PTPRD: variants seen among roughly 807,000 people sequenced by gnomAD.
PTPRD encodes protein tyrosine phosphatase receptor type D, also known as receptor-type tyrosine-protein phosphatase delta.
In PTPRD, 34 loss-of-function variants were observed where a neutral mutation model predicts 214.5. That is an observed-to-expected ratio of 0.16 (90% CI 0.12 to 0.21). The LOEUF (loss-of-function observed/expected upper bound fraction) is 0.21. PTPRD is among the 10% of genes least tolerant of loss of function. The probability of loss-of-function intolerance (pLI) is 1.00; values close to 1 mark genes in which losing one functional copy is unlikely to be tolerated. For missense variants in PTPRD, 2,545 were observed against 2,398.7 expected (o/e 1.06, Z -1.27); for synonymous variants, 1,128 against 845.7 (o/e 1.33, Z -5.79).
intron 11 of PTPRD, among the ~76,000 whole-genome samples, chr9:8,801,261 C>G (rs1440304959): frequency 2.0e-5 from 3 of 152,122 alleles, no homozygotes; most frequent in Non-Finnish European, 2.9e-5. Flanking sequence ...TCAAATCTTG[C>G]TATAGTTAAT....
At chr9:8,797,985 C>T (rs912659859) in intron 11 of PTPRD, among the ~76,000 whole-genome samples, 7 of 152,030 alleles carry the variant, frequency 4.6e-5, no homozygotes, top group Admixed American at 1.3e-4. Context: ...ATCCTTTGAC[C>T]TCAACCTTAA....
At chr9:8,339,510 T>C (rs1004909594) in intron 42 of PTPRD, among the ~76,000 whole-genome samples, 19 of 152,128 alleles carry the variant, frequency 1.2e-4, no homozygotes, top group Non-Finnish European at 1.9e-4. Flanking sequence ...GTTCCAATCT[T>C]ACTTGTCAAG....
chr9:8,994,714 G>T (rs1427143870), intron 11 of PTPRD, among the ~76,000 whole-genome samples: 1 of 151,862 alleles, frequency 6.6e-6, no homozygotes, highest in African/African-American at 2.4e-5. Context: ...GAAGGCAAGG[G>T]AAAAAGCATG....
intron 2 of PTPRD, among the ~76,000 whole-genome samples, chr9:10,531,148 C>T (rs905795056): frequency 4.6e-5 from 7 of 151,920 alleles, no homozygotes; most frequent in African/African-American, 1.7e-4. Context: ...CGGGGTTTCA[C>T]CATGTTGGTC....
chr9:8,526,720 G>T, intron 16 of PTPRD, 76 bp from the exon 17 acceptor site: 1 of 1,200,950 alleles, frequency 8.3e-7, no homozygotes, highest in South Asian at 1.6e-5. Flanking sequence ...CTAGGGCTGG[G>T]GAGAAGAATT....
intron 4 of PTPRD, among the ~76,000 whole-genome samples, chr9:10,031,306 G>T (rs982348217): frequency 1.3e-5 from 2 of 151,996 alleles, no homozygotes; most frequent in Non-Finnish European, 2.9e-5. Context: ...TTGATCCTGG[G>T]TGTGTCTGTA....
chr9:9,411,023 C>T (rs994763782), intron 8 of PTPRD, among the ~76,000 whole-genome samples: 3 of 151,688 alleles, frequency 2.0e-5, no homozygotes, highest in African/African-American at 7.3e-5. Flanking sequence ...TTTTTCCCAC[C>T]ACAGCTGCAA....
chr9:10,026,714 C>G (rs2096929485), intron 4 of PTPRD, among the ~76,000 whole-genome samples: 1 of 152,038 alleles, frequency 6.6e-6, no homozygotes, highest in Non-Finnish European at 1.5e-5. Context: ...GTAGTTTTCA[C>G]AATAGACAAT....
In PTPRD at chr9:8,557,431, A is replaced by AATAT. The variant is rs1281715374; in HGVS notation, c.353-28653_353-28652insATAT. ...CAAAACTCTTTATTTTTCATTTGTA[A>AATAT]ATACATATATATATATATATATATA... On this transcript the variant is annotated intron_variant, in intron 14 of 45. Coordinates refer to ENST00000381196, the MANE Select transcript of PTPRD (RefSeq NM_002839.4). Among the ~76,000 whole-genome samples the AATAT allele has an allele frequency of 1.4e-3, 152 of 111,722 alleles. 15 individuals are homozygous for AATAT. Among genetic ancestry groups the AATAT allele is most frequent in the African/African-American group, 0.011 (146 of 12,972 alleles). The allele number at this position is 111,722 out of a possible 152,430, so 73.3% of individuals were successfully genotyped here. A position where few individuals can be genotyped will look rare whatever the true frequency, so the allele number is the denominator to read the frequency against.
intron 4 of PTPRD, among the ~76,000 whole-genome samples, chr9:9,958,527 A>G (rs1263890798): frequency 6.6e-6 from 1 of 152,110 alleles, no homozygotes; most frequent in Non-Finnish European, 1.5e-5. Context: ...GCAAAACTCC[A>G]TCTCAAAAAC....
intron 3 of PTPRD, among the ~76,000 whole-genome samples, chr9:10,241,870 G>T (rs933195133): frequency 6.6e-6 from 1 of 151,960 alleles, no homozygotes; most frequent in African/African-American, 2.4e-5. Context: ...AAGCTGTAAA[G>T]TTGATATTCT....
chr9:10,557,145 G>C (rs1222877800), intron 2 of PTPRD, among the ~76,000 whole-genome samples: 2 of 152,016 alleles, frequency 1.3e-5, no homozygotes, highest in Admixed American at 6.6e-5. Flanking sequence ...AGTCAAATTA[G>C]TAGAAATAAC....
chr9:10,189,009 A>G (rs2099350594), intron 3 of PTPRD, among the ~76,000 whole-genome samples: 2 of 150,760 alleles, frequency 1.3e-5, no homozygotes, highest in African/African-American at 2.4e-5. Flanking sequence ...TCCAGTTTCC[A>G]TTACTTTTTT....
intron 8 of PTPRD, among the ~76,000 whole-genome samples, chr9:9,474,749 T>C (rs954955361): frequency 6.6e-6 from 1 of 152,100 alleles, no homozygotes; most frequent in African/African-American, 2.4e-5. Flanking sequence ...TTGTTATTGG[T>C]GTATAGAATT....
intron 11 of PTPRD, among the ~76,000 whole-genome samples, chr9:8,966,893 C>A (rs1166212096): frequency 2.0e-5 from 3 of 151,184 alleles, no homozygotes; most frequent in African/African-American, 4.9e-5. Context: ...CTATAAGGAA[C>A]TTAAACAATT....
chr9:10,564,166 C>G (rs1338294467), intron 2 of PTPRD, among the ~76,000 whole-genome samples: 1 of 18,472 alleles, frequency 5.4e-5, no homozygotes, highest in Non-Finnish European at 1.1e-4. Context: ...CCACACTAGG[C>G]TATTCTTTTT....
intron 12 of PTPRD, among the ~76,000 whole-genome samples, chr9:8,726,364 A>G (rs2098557294): frequency 6.6e-6 from 1 of 151,156 alleles, no homozygotes; most frequent in Admixed American, 6.6e-5. Context: ...CAAGGCTGGC[A>G]GATCACTTGA....
At chr9:10,480,239 A>C (rs556420650) in intron 2 of PTPRD, among the ~76,000 whole-genome samples, 1 of 152,212 alleles carries the variant, frequency 6.6e-6, no homozygotes. Context: ...TTTTCAACAG[A>C]GAAGCACATA....
intron 7 of PTPRD, among the ~76,000 whole-genome samples, chr9:9,704,590 AG>A (rs1324904597): frequency 3.3e-5 from 5 of 152,190 alleles, no homozygotes; most frequent in Admixed American, 2.0e-4. Context: ...ACAAAAATGC[AG>A]CCAAAGTAAC....
Sources: gnomAD v4.1 joint callset for allele counts (sites outside exome capture counted in the v4.1 genomes callset) on GRCh38, gnomAD v4.1.1 for gene constraint, MANE v1.5 for transcripts, NCBI Gene and HGNC (gene_info 2026-07-23, HGNC 2026-07-21) for gene names.